The following GABRB1 variants were observed in gnomAD, a reference collection of about 807,000 sequenced individuals.
The protein encoded by GABRB1 is gamma-aminobutyric acid receptor subunit beta-1.
In GABRB1, 17 loss-of-function variants were observed where a neutral mutation model predicts 51.6. That is an observed-to-expected ratio of 0.33 (90% confidence interval 0.23 to 0.49). The LOEUF (loss-of-function observed/expected upper bound fraction) is 0.49. GABRB1 is among the 20% of genes least tolerant of loss of function. The probability of loss-of-function intolerance (pLI) is 0.99; values close to 1 mark genes in which losing one functional copy is unlikely to be tolerated. For synonymous variants in GABRB1, 247 were observed against 218.9 expected (o/e 1.13, Z -1.14); for missense variants, 410 against 600.6 (o/e 0.68, Z 3.32).
intron 5 of GABRB1, among the ~76,000 whole-genome samples, chr4:47,382,302 T>C (rs1437403591): frequency 1.3e-5 from 2 of 152,160 alleles, no homozygotes; most frequent in African/African-American, 4.8e-5. Context: ...ATCCCAGGCC[T>C]CTACCTACTA....
chr4:47,204,047 G>A (rs1295966574), intron 4 of GABRB1, among the ~76,000 whole-genome samples: 1 of 152,170 alleles, frequency 6.6e-6, no homozygotes, highest in Non-Finnish European at 1.5e-5. Flanking sequence ...GATAAAGGCT[G>A]AGAAATAAAA....
At chr4:47,098,427 G>T (rs1372511177) in intron 3 of GABRB1, among the ~76,000 whole-genome samples, 3 of 151,930 alleles carry the variant, frequency 2.0e-5, no homozygotes, top group Non-Finnish European at 4.4e-5. Flanking sequence ...AAACCTTTGG[G>T]GTACCTGCCA....
At chr4:47,373,418 G>T (rs1207760696) in intron 5 of GABRB1, among the ~76,000 whole-genome samples, 2 of 152,122 alleles carry the variant, frequency 1.3e-5, no homozygotes, top group African/African-American at 4.8e-5. Flanking sequence ...CAGTTTTGGG[G>T]ACAAAACATG....
chr4:47,253,171 AGATAT>A (rs1237069676), intron 4 of GABRB1, among the ~76,000 whole-genome samples: 1 of 152,214 alleles, frequency 6.6e-6, no homozygotes, highest in Non-Finnish European at 1.5e-5. Flanking sequence ...GCTCTTGAAC[AGATAT>A]ACTATAAAGG....
At chr4:47,369,523 T>C (rs1401264780) in intron 5 of GABRB1, among the ~76,000 whole-genome samples, 3 of 152,070 alleles carry the variant, frequency 2.0e-5, no homozygotes, top group East Asian at 3.9e-4. Flanking sequence ...ATTAAACCAG[T>C]AGCAGTTTGT....
chr4:47,035,383 C>T (rs571018323), intron 3 of GABRB1, among the ~76,000 whole-genome samples: 1 of 152,172 alleles, frequency 6.6e-6, no homozygotes, highest in East Asian at 1.9e-4. Flanking sequence ...TGGTTCTAAG[C>T]AGTGAATGCA....
chr4:47,139,852 T>C (rs929583872), intron 3 of GABRB1, among the ~76,000 whole-genome samples: 2 of 152,000 alleles, frequency 1.3e-5, no homozygotes, highest in African/African-American at 4.8e-5. Context: ...GTTACGTTGA[T>C]GTTGTAGGTC....
chr4:47,004,559 T>C (rs1278951155), intron 1 of GABRB1, among the ~76,000 whole-genome samples: 1 of 152,208 alleles, frequency 6.6e-6, no homozygotes. Flanking sequence ...CTGGTTTAAT[T>C]TCCAATGTCT....
At chr4:47,310,008 T>C (rs1448909469) in intron 4 of GABRB1, among the ~76,000 whole-genome samples, 1 of 152,198 alleles carries the variant, frequency 6.6e-6, no homozygotes, top group East Asian at 1.9e-4. Flanking sequence ...TCCTGTTCCA[T>C]ACCACATTCC....
intron 4 of GABRB1, among the ~76,000 whole-genome samples, chr4:47,272,459 A>T (rs1234234172): frequency 6.6e-6 from 1 of 152,162 alleles, no homozygotes; most frequent in African/African-American, 2.4e-5. Flanking sequence ...AGTTCAAGAT[A>T]AGAATTCTAT....
chr4:47,323,890 G>A (rs1725166574), intron 5 of GABRB1, among the ~76,000 whole-genome samples: 1 of 152,168 alleles, frequency 6.6e-6, no homozygotes, highest in African/African-American at 2.4e-5. Flanking sequence ...GTAGCCCTGG[G>A]ATGCTATAAA....
intron 3 of GABRB1, among the ~76,000 whole-genome samples, chr4:47,044,863 CT>C (rs1425238598): frequency 6.6e-6 from 1 of 151,978 alleles, no homozygotes; most frequent in East Asian, 1.9e-4. Context: ...TAATTTCCCC[CT>C]CTTCCCTCCT....
chr4:47,235,245 C>T (rs1011530988), intron 4 of GABRB1, among the ~76,000 whole-genome samples: 1 of 152,070 alleles, frequency 6.6e-6, no homozygotes, highest in Non-Finnish European at 1.5e-5. Context: ...CTCCATTGTG[C>T]CTTAGTGACT....
chr4:47,061,446 A>G (rs1726841255), intron 3 of GABRB1, among the ~76,000 whole-genome samples: 1 of 152,344 alleles, frequency 6.6e-6, no homozygotes, highest in East Asian at 1.9e-4. Context: ...ATTTAAGACA[A>G]GAAAACAAAT....
intron 5 of GABRB1, among the ~76,000 whole-genome samples, chr4:47,390,033 A>G (rs1228345854): frequency 6.6e-6 from 1 of 152,210 alleles, no homozygotes; most frequent in Non-Finnish European, 1.5e-5. Flanking sequence ...GGTACTCTCC[A>G]CTCAACATTC....
intron 5 of GABRB1, among the ~76,000 whole-genome samples, chr4:47,338,966 T>A (rs918708502): frequency 1.3e-5 from 2 of 152,148 alleles, no homozygotes; most frequent in Non-Finnish European, 2.9e-5. Context: ...ACTAATACTT[T>A]GGGGAATCAA....
intron 4 of GABRB1, among the ~76,000 whole-genome samples, chr4:47,214,681 C>A (rs968882142): frequency 6.6e-5 from 10 of 152,064 alleles, no homozygotes; most frequent in Non-Finnish European, 1.3e-4. Context: ...TATTATCAAT[C>A]GAAAAATGCT....
chr4:47,032,119 A>C (rs77472678), intron 2 of GABRB1, 114 bp downstream of exon 2: 150,071 of 620,420 alleles, frequency 0.24, 20,916 homozygotes, highest in Non-Finnish European at 0.27. Context: ...AGCGTGCACT[A>C]TACCCTGGGC....
At chr4:47,299,839 C>A (rs1247084218) in intron 4 of GABRB1, among the ~76,000 whole-genome samples, 1 of 151,794 alleles carries the variant, frequency 6.6e-6, no homozygotes, top group African/African-American at 2.4e-5. Context: ...TGGAACCAAC[C>A]CAAATGTCCA....
Sources: gnomAD v4.1 joint callset for allele counts (sites outside exome capture counted in the v4.1 genomes callset) on GRCh38, gnomAD v4.1.1 for gene constraint, MANE v1.5 for transcripts, NCBI Gene and HGNC (gene_info 2026-07-23, HGNC 2026-07-21) for gene names.